The following NCK2 variants were observed in gnomAD, a reference collection of about 807,000 sequenced individuals.
NCK2 encodes cytoplasmic protein NCK2.
A neutral mutation model predicts 33.9 loss-of-function variants in NCK2; 16 were observed. The ratio of observed to expected loss-of-function variants is 0.47; its 90% CI spans 0.32 to 0.72. The LOEUF (loss-of-function observed/expected upper bound fraction) is 0.72. NCK2 is among the 30% of genes least tolerant of loss of function. The pLI is 0.03. For missense variants in NCK2, 418 were observed against 537.3 expected, an observed-to-expected ratio of 0.78 and a Z score of 2.19; for synonymous variants, 273 against 239.9, an observed-to-expected ratio of 1.14 and a Z score of -1.27.
At chr2:105,890,037 T>G (rs1376081020) in intron 4 of NCK2, among the ~76,000 whole-genome samples, 1 of 152,234 alleles carries the variant, frequency 6.6e-6, no homozygotes, top group Non-Finnish European at 1.5e-5. Context: ...GTATACAGAT[T>G]GTTCTTTTTC....
intron 1 of NCK2, among the ~76,000 whole-genome samples, chr2:105,804,553 C>T (rs747832804): frequency 2.6e-5 from 4 of 152,142 alleles, no homozygotes; most frequent in Admixed American, 2.0e-4. Context: ...GATTTCAGCC[C>T]AGACACAGTA....
chr2:105,885,855 A>C (rs139343203), intron 4 of NCK2, among the ~76,000 whole-genome samples: 5 of 152,096 alleles, frequency 3.3e-5, no homozygotes, highest in African/African-American at 1.2e-4. Flanking sequence ...GTTGAGTGGG[A>C]TTTATCTCTT....
intron 2 of NCK2, among the ~76,000 whole-genome samples, chr2:105,852,390 A>G (rs993653046): frequency 3.3e-5 from 5 of 152,136 alleles, no homozygotes; most frequent in Non-Finnish European, 1.5e-5. Flanking sequence ...TAAGGCTCGG[A>G]AGAATTACAT....
intron 3 of NCK2, among the ~76,000 whole-genome samples, chr2:105,879,048 C>T (rs375247351): frequency 6.8e-4 from 103 of 152,288 alleles, no homozygotes; most frequent in African/African-American, 2.4e-3. Flanking sequence ...GTCTTTATAA[C>T]GTATTGTGAT....
At chr2:105,749,079 A>C (rs979493439) in intron 1 of NCK2, among the ~76,000 whole-genome samples, 1 of 152,296 alleles carries the variant, frequency 6.6e-6, no homozygotes, top group African/African-American at 2.4e-5. Context: ...ACAACAACAA[A>C]AAAACAAAGC....
At chr2:105,875,433 G>A (rs1354248029) in intron 3 of NCK2, among the ~76,000 whole-genome samples, 1 of 152,228 alleles carries the variant, frequency 6.6e-6, no homozygotes, top group East Asian at 1.9e-4. Flanking sequence ...AGCAGCCTGA[G>A]AACAACTGGC....
chr2:105,807,906 T>A (rs1675144958), intron 1 of NCK2, among the ~76,000 whole-genome samples: 1 of 146,018 alleles, frequency 6.8e-6, no homozygotes, highest in Non-Finnish European at 1.5e-5. Flanking sequence ...TCTCTCTCTT[T>A]CTGTCTCTCT....
At chr2:105,803,250 G>A (rs999657508) in intron 1 of NCK2, among the ~76,000 whole-genome samples, 7 of 152,102 alleles carry the variant, frequency 4.6e-5, no homozygotes, top group Admixed American at 2.6e-4. Flanking sequence ...ATTTTAGATA[G>A]CACACATGTG....
At chr2:105,882,518 C>T (rs1678548190) in intron 4 of NCK2, among the ~76,000 whole-genome samples, 2 of 152,180 alleles carry the variant, frequency 1.3e-5, no homozygotes, top group South Asian at 4.1e-4. Context: ...ATCCCAAGGT[C>T]ATTGCCACGG....
intron 3 of NCK2, among the ~76,000 whole-genome samples, 157 bp from the exon 4 acceptor site, chr2:105,881,171 C>T (rs890851900): frequency 6.6e-6 from 1 of 152,096 alleles, no homozygotes; most frequent in Non-Finnish European, 1.5e-5. Flanking sequence ...TGCCAGCAAC[C>T]GTATTTTTCT....
At chr2:105,855,022 A>T (rs1037580549) in intron 2 of NCK2, 26 bp from the exon 3 acceptor site, 3 of 1,558,560 alleles carry the variant, frequency 1.9e-6, no homozygotes, top group Non-Finnish European at 2.7e-6. Context: ...TTCTCTAATG[A>T]GCATCTCCAA....
intron 1 of NCK2, among the ~76,000 whole-genome samples, chr2:105,789,300 G>A (rs1403698711): frequency 6.6e-6 from 1 of 152,124 alleles, no homozygotes; most frequent in East Asian, 1.9e-4. Flanking sequence ...CAATTCTCCT[G>A]CCTCAGCCTC....
At chr2:105,848,567 T>C (rs1676937593) in intron 2 of NCK2, 1 of 152,196 alleles carries the variant, frequency 6.6e-6, no homozygotes, top group East Asian at 1.9e-4. Context: ...GATGCTTCTT[T>C]GCTCCCGAGA....
intron 1 of NCK2, chr2:105,746,020 A>T (rs902371208): frequency 6.6e-6 from 1 of 150,728 alleles, no homozygotes; most frequent in African/African-American, 2.4e-5. Context: ...GGTGGATGCT[A>T]GGGGTCATTG....
At chr2:105,785,033 C>A (rs936030394) in intron 1 of NCK2, among the ~76,000 whole-genome samples, 1 of 152,186 alleles carries the variant, frequency 6.6e-6, no homozygotes, top group Non-Finnish European at 1.5e-5. Context: ...GGCTGGAGTG[C>A]AGTGGCGCGA....
intron 2 of NCK2, among the ~76,000 whole-genome samples, chr2:105,843,435 G>T (rs1385662836): frequency 2.0e-5 from 3 of 150,324 alleles, no homozygotes; most frequent in Non-Finnish European, 4.4e-5. Flanking sequence ...TCTTTATTTT[G>T]TAAAGGATTC....
intron 2 of NCK2, among the ~76,000 whole-genome samples, chr2:105,824,793 G>C (rs1276901318): frequency 1.3e-5 from 2 of 152,132 alleles, no homozygotes; most frequent in African/African-American, 4.8e-5. Context: ...GGAATTCTAA[G>C]GACAGTCCTG....
chr2:105,823,245 T>C (rs1428499419), intron 2 of NCK2, among the ~76,000 whole-genome samples: 1 of 151,388 alleles, frequency 6.6e-6, no homozygotes, highest in African/African-American at 2.4e-5. Context: ...CAAGCCCCAG[T>C]AGGAGAATAC....
chr2:105,770,236 G>T (rs10177914), intron 1 of NCK2, among the ~76,000 whole-genome samples: 71,749 of 151,730 alleles, frequency 0.47, 18,008 homozygotes, highest in African/African-American at 0.64. Flanking sequence ...TCAAAAAAAT[G>T]TTAATATTCT....
Sources: gnomAD v4.1 joint callset for allele counts (sites outside exome capture counted in the v4.1 genomes callset) on GRCh38, gnomAD v4.1.1 for gene constraint, MANE v1.5 for transcripts, NCBI Gene and HGNC (gene_info 2026-07-23, HGNC 2026-07-21) for gene names.